Variants in TPCN2 observed in about 807,000 individuals in gnomAD.
TPCN2 encodes two pore channel protein 2.
A neutral mutation model predicts 111.4 loss-of-function variants in TPCN2; 92 were observed. The observed-to-expected ratio is 0.83, with a 90% CI of 0.70 to 0.98. The LOEUF (loss-of-function observed/expected upper bound fraction) is 0.98. Ranked by LOEUF, TPCN2 falls within the 50% of genes least tolerant of loss-of-function variation. The pLI, the probability that TPCN2 is intolerant of heterozygous loss-of-function variation, is 0.00. For synonymous variants in TPCN2, 405 were observed against 414.5 expected (o/e 0.98, Z 0.28); for missense variants, 995 against 980.1 (o/e 1.02, Z -0.20).
At position 69,088,234 on chromosome 11, in the gene TPCN2, C is replaced by T. The variant is rs115811991; in HGVS notation, c.*281C>T. 755 of 426,410 alleles carry T rather than the reference C, an allele frequency of 1.8e-3. 9 individuals carry two copies. The highest frequency in any genetic ancestry group is 0.014 in the African/African-American group (719 of 50,370). The allele number at this position is 426,410 out of a possible 1,614,324, so 26.4% of individuals were successfully genotyped here. A position where few individuals can be genotyped will look rare whatever the true frequency, so the allele number is the denominator to read the frequency against. The stretch of plus-strand genomic sequence containing the variant: ...GTCGACTCCACAGGGACCTTTCAGA[C>T]AAAAATGCAAGAAGCAGCGGCCTCC... On this transcript the variant is annotated 3_prime_UTR_variant, in exon 25 of 25. Coordinates refer to ENST00000294309, the MANE Select transcript of TPCN2 (RefSeq NM_139075.4).
rs968922758 is a variant in TPCN2 at position 69,083,846 on chromosome 11, C to T, written c.1690-99C>T. ...GTGGGTTGGTGGTCATTGGCCTGCC[C>T]CATCTTGCCTTTCTGTCAGGGTCAG... is the stretch of plus-strand genomic sequence containing the variant. On this transcript the variant is annotated intron_variant, in intron 18 of 24. Transcript: ENST00000294309. The T allele has an allele frequency of 2.7e-6, 3 of 1,110,382 alleles. No individual in the cohort carries two copies. In the Admixed American group the frequency reaches 5.5e-5, roughly 20 times the overall value. The allele number at this position is 1,110,382 out of a possible 1,614,324, so 68.8% of individuals were successfully genotyped here.
At position 69,085,741 on chromosome 11, in the gene TPCN2, G is replaced by A. The variant is rs768225289; in HGVS notation, c.1909G>A (p.Asp637Asn). The A allele has an allele frequency of 8.7e-6, 14 of 1,614,088 alleles. No individual in the cohort carries two copies. The highest frequency in any genetic ancestry group is 2.2e-5 in the South Asian group (2 of 91,082). Reference sequence around the variant, plus strand: ...GCTGGAGTACTGGGCCAACAACTTCGATGACTTTGCGGTGAGCCCTGCGCC... The same window carrying A: ...GCTGGAGTACTGGGCCAACAACTTCAATGACTTTGCGGTGAGCCCTGCGCC... The part of the protein sequence containing the change: ...EQLEYWANNF[D>N]DFAAALVTLW... The change falls in exon 21 of 25, where the codon GAT becomes AAT. Residue 637 changes from aspartate to asparagine, a missense_variant. Transcript: ENST00000294309.
chr11:69,061,007 G>C (rs922463981), intron 5 of TPCN2, among the ~76,000 whole-genome samples: 25 of 152,364 alleles, frequency 1.6e-4, no homozygotes, highest in Non-Finnish European at 3.4e-4. Context: ...GAGCGCTGGG[G>C]ATCAGTCACT....
intron 22 of TPCN2, 68 bp from the exon 23 acceptor site, chr11:69,086,455 T>C: frequency 1.5e-6 from 2 of 1,297,914 alleles, no homozygotes; most frequent in Non-Finnish European, 2.2e-6. Flanking sequence ...CACGCAGCAG[T>C]GGTGTTTGTA....
At chr11:69,083,215 A>G (rs1419761837) in intron 18 of TPCN2, 1 of 153,048 alleles carries the variant, frequency 6.5e-6, no homozygotes, top group East Asian at 1.9e-4. Context: ...CGCACAGCAG[A>G]CCCTGCAATC....
chr11:69,055,496 C>G (rs1250599372), intron 4 of TPCN2, 144 bp downstream of exon 4: 3 of 876,114 alleles, frequency 3.4e-6, no homozygotes, highest in Admixed American at 3.1e-5. Flanking sequence ...GGCACACTTT[C>G]TTGGACAAGC....
chr11:69,055,084 C>G (rs1009955270), intron 3 of TPCN2, 91 bp from the exon 4 acceptor site: 2 of 1,393,504 alleles, frequency 1.4e-6, no homozygotes, highest in African/African-American at 2.9e-5. Flanking sequence ...AGCGCCAACT[C>G]CCGTGCTTCG....
chr11:69,078,669 G>A, intron 14 of TPCN2, 65 bp from the exon 15 acceptor site: 1 of 1,613,410 alleles, frequency 6.2e-7, no homozygotes, highest in Non-Finnish European at 8.5e-7. Flanking sequence ...AGGGGAGCCT[G>A]CCCCTCCTGC....
intron 12 of TPCN2, 58 bp downstream of exon 12, chr11:69,072,766 A>T: frequency 6.3e-7 from 1 of 1,599,090 alleles, no homozygotes; most frequent in East Asian, 2.2e-5. Flanking sequence ...CACTTGGGCC[A>T]GCAGCCCCTT....
At position 69,088,978 on chromosome 11, in the gene TPCN2, G is replaced by A. The variant is rs1325930288; in HGVS notation, c.*1025G>A. On this transcript the variant is annotated 3_prime_UTR_variant, in exon 25 of 25. Coordinates refer to ENST00000294309, the MANE Select transcript of TPCN2 (RefSeq NM_139075.4). ...ACCACTCCCCATCACACTCCACACCGAGCCTGGTGCCCGGTCTGTGCCCGA... is the reference window on the plus strand; with the variant it reads ...ACCACTCCCCATCACACTCCACACCAAGCCTGGTGCCCGGTCTGTGCCCGA... 1 of 152,240 alleles carries A rather than the reference G, an allele frequency of 6.6e-6. No individual in the cohort carries two copies. Among genetic ancestry groups the A allele is most frequent in the Non-Finnish European group, 1.5e-5 (1 of 68,094 alleles). The allele number at this position is 152,240 out of a possible 1,614,324, so 9.4% of individuals were successfully genotyped here. A position where few individuals can be genotyped will look rare whatever the true frequency, so the allele number is the denominator to read the frequency against.
intron 7 of TPCN2, 46 bp from the exon 8 acceptor site, chr11:69,067,457 G>C (rs1855322165): frequency 6.4e-7 from 1 of 1,556,914 alleles, no homozygotes; most frequent in African/African-American, 1.4e-5. Flanking sequence ...TCAGCCTGTG[G>C]GGTGGGGACC....
Position 69,079,724 on chromosome 11 carries a change from A to C in TPCN2, c.1540-110A>C. 2.9e-6 allele frequency: 3 copies of C among 1,017,722 alleles called. 1 individual carries two copies. The Middle Eastern group carries it at 6.4e-4, about 216-fold the overall frequency. The allele number at this position is 1,017,722 out of a possible 1,614,324, so 63.0% of individuals were successfully genotyped here. A position where few individuals can be genotyped will look rare whatever the true frequency, so the allele number is the denominator to read the frequency against. On this transcript the variant is annotated intron_variant, in intron 16 of 24. Coordinates refer to ENST00000294309, the MANE Select transcript of TPCN2 (RefSeq NM_139075.4). ...GGACCAAGCTCTGATTTCTCCCCAA[A>C]AGCCCCTTTTGGGGAGAATGTGTTA... is the stretch of plus-strand genomic sequence containing the variant.
intron 8 of TPCN2, among the ~76,000 whole-genome samples, chr11:69,068,016 C>T (rs1855350359): frequency 6.6e-6 from 1 of 152,164 alleles, no homozygotes; most frequent in Admixed American, 6.5e-5. Flanking sequence ...ATCCACGCTG[C>T]GGTTGCTGCC....
chr11:69,055,713 G>A (rs1166017971), intron 4 of TPCN2, among the ~76,000 whole-genome samples: 12 of 152,182 alleles, frequency 7.9e-5, no homozygotes, highest in African/African-American at 2.9e-4. Context: ...CCAGTGTGCC[G>A]TCAGCTCTCC....
chr11:69,085,827 C>T (rs771029023), intron 21 of TPCN2, 21 bp from the exon 22 acceptor site: 100 of 1,613,778 alleles, frequency 6.2e-5, no homozygotes, highest in Non-Finnish European at 8.2e-5. Context: ...CCTCCTGGAC[C>T]GCTGGTCTCT....
intron 16 of TPCN2, 63 bp from the exon 17 acceptor site, chr11:69,079,771 C>T: frequency 6.7e-7 from 1 of 1,491,564 alleles, no homozygotes; most frequent in African/African-American, 1.4e-5. Context: ...TATAATAATT[C>T]CTTTAAGGGC....
In TPCN2 at chr11:69,078,199, A is replaced by C. The variant is rs116524201; in HGVS notation, c.1231-283A>C. Among the ~76,000 whole-genome samples, 1,092 of 149,874 alleles carry C rather than the reference A, an allele frequency of 7.3e-3. 15 individuals are homozygous for C. The highest frequency in any genetic ancestry group is 0.025 in the African/African-American group (1,026 of 40,772). On this transcript the variant is annotated intron_variant, in intron 13 of 24. Transcript: ENST00000294309. ...TATATATCAGGGTGACACTTTGCGT[A>C]TGTTTCAGGTGACTCTAATATCACA...
At chr11:69,065,136 G>T (rs918374373) in intron 7 of TPCN2, among the ~76,000 whole-genome samples, 2 of 152,150 alleles carry the variant, frequency 1.3e-5, no homozygotes, top group South Asian at 4.1e-4. Flanking sequence ...GTGCATGTGT[G>T]TGCGTATCTC....
At chr11:69,081,532 C>T (rs760683803) in intron 18 of TPCN2, 33 bp downstream of exon 18, 8 of 1,474,082 alleles carry the variant, frequency 5.4e-6, no homozygotes, top group South Asian at 2.5e-5. Flanking sequence ...CTCGCCCCAC[C>T]CTCCTGGGTC....
Sources: gnomAD v4.1 joint callset for allele counts (sites outside exome capture counted in the v4.1 genomes callset) on GRCh38, gnomAD v4.1.1 for gene constraint, MANE v1.5 for transcripts, NCBI Gene and HGNC (gene_info 2026-07-23, HGNC 2026-07-21) for gene names.